Variants in KBTBD12 observed in about 807,000 individuals in gnomAD.
KBTBD12 encodes kelch repeat and BTB domain-containing protein 12.
KBTBD12 carries 53 observed loss-of-function variants against 58.7 expected under a neutral mutation model. The ratio of observed to expected loss-of-function variants is 0.90; its 90% confidence interval spans 0.72 to 1.14. KBTBD12 has a LOEUF of 1.14. KBTBD12 is among the 50% of genes most tolerant of loss of function. The pLI is 0.00. For missense variants in KBTBD12, 704 were observed against 751.3 expected (o/e 0.94, Z 0.74); for synonymous variants, 236 against 259.8 (o/e 0.91, Z 0.88).
chr3:127,941,087 T>A (rs1156780006), intron 4 of KBTBD12, among the ~76,000 whole-genome samples: 1 of 152,226 alleles, frequency 6.6e-6, no homozygotes, highest in African/African-American at 2.4e-5. Context: ...TAGTTCCAAA[T>A]GGTTTCACTC....
At chr3:127,980,566 G>C (rs1004542946) in intron 5 of KBTBD12, among the ~76,000 whole-genome samples, 2 of 152,182 alleles carry the variant, frequency 1.3e-5, no homozygotes, top group South Asian at 2.1e-4. Context: ...CTGACCTCAA[G>C]TGATCTGCCC....
At position 127,971,756 on chromosome 3, in the gene KBTBD12, C is replaced by CT. The variant is rs1940686343; in HGVS notation, c.1690+8371dup. ...GGGGGATTTCTTCCCAGAGTCCAGGCTAAGTCCCTTCTGCCTTCAGCCCAT... is the reference window on the plus strand; with the variant it reads ...GGGGGATTTCTTCCCAGAGTCCAGGCTTAAGTCCCTTCTGCCTTCAGCCCAT... On this transcript the variant is annotated intron_variant, in intron 5 of 5. Transcript: ENST00000405109. 2.0e-5 allele frequency among the ~76,000 whole-genome samples: 3 copies of CT among 152,188 alleles called. 1 individual carries two copies. The South Asian group carries it at 6.2e-4, about 32-fold the overall frequency.
intron 5 of KBTBD12, among the ~76,000 whole-genome samples, chr3:127,982,652 T>C (rs895420082): frequency 6.6e-6 from 1 of 152,216 alleles, no homozygotes; most frequent in Non-Finnish European, 1.5e-5. Context: ...CATAAAAAGA[T>C]AGAAAATGCA....
At position 127,922,969 on chromosome 3, in the gene KBTBD12, T is replaced by G; in HGVS notation, c.-93T>G. On this transcript the variant is annotated 5_prime_UTR_variant, in exon 2 of 6. Coordinates refer to ENST00000405109, the MANE Select transcript of KBTBD12 (RefSeq NM_207335.4). ...CCTTAGAAATGTTTCCTGACATCTT[T>G]GTAGCTTCATGAGTAATCAGACATG... 1 of 715,040 alleles carries G rather than the reference T, an allele frequency of 1.4e-6. No individual in the cohort carries two copies. The allele number at this position is 715,040 out of a possible 1,614,324, so 44.3% of individuals were successfully genotyped here.
Position 127,984,578 on chromosome 3 carries a change from C to T in KBTBD12, c.*300C>T, listed in dbSNP as rs1940933935. 1 of 253,342 alleles carries T rather than the reference C, an allele frequency of 3.9e-6. No homozygotes were observed. Among genetic ancestry groups the T allele is most frequent in the Non-Finnish European group, 7.6e-6 (1 of 131,414 alleles). The allele number at this position is 253,342 out of a possible 1,614,324, so 15.7% of individuals were successfully genotyped here. ...CACTCTGCTGGGGACCCATGAACAG[C>T]ACTGCCAAGGAGCAGACCTTTTATT... is the stretch of plus-strand genomic sequence containing the variant. On this transcript the variant is annotated 3_prime_UTR_variant, in exon 6 of 6. Transcript: ENST00000405109.
chr3:127,962,008 A>G lies in KBTBD12; in HGVS notation c.1493-1181A>G, dbSNP rs552496446. Reference sequence around the variant, plus strand: ...GCTGTCAACAACATACTCCAGTATCAGTCACCACCCAACATATGCAGTTTG... The same window carrying G: ...GCTGTCAACAACATACTCCAGTATCGGTCACCACCCAACATATGCAGTTTG... On this transcript the variant is annotated intron_variant, in intron 4 of 5. Transcript: ENST00000405109. Among the ~76,000 whole-genome samples, 5 of 152,362 alleles carry G rather than the reference A, an allele frequency of 3.3e-5. No individual in the cohort carries two copies. In the East Asian group the frequency reaches 9.7e-4, roughly 29 times the overall value.
chr3:127,983,972 G>T (rs764635950), intron 5 of KBTBD12, 125 bp from the exon 6 acceptor site: 263 of 728,404 alleles, frequency 3.6e-4, no homozygotes, highest in South Asian at 7.0e-4. Flanking sequence ...TGGGTATTCT[G>T]TTAACAGTAA....
chr3:127,924,841 C>T (rs549019195), intron 2 of KBTBD12, among the ~76,000 whole-genome samples: 1 of 152,058 alleles, frequency 6.6e-6, no homozygotes, highest in Non-Finnish European at 1.5e-5. Context: ...CTAGGTTTTG[C>T]TTATGAGAAC....
chr3:127,975,481 T>A (rs1162169043), intron 5 of KBTBD12, among the ~76,000 whole-genome samples: 1 of 152,182 alleles, frequency 6.6e-6, no homozygotes, highest in Non-Finnish European at 1.5e-5. Context: ...ACCAAGAAGA[T>A]ACACATGACA....
At chr3:127,950,566 G>A (rs1266180436) in intron 4 of KBTBD12, among the ~76,000 whole-genome samples, 1 of 152,112 alleles carries the variant, frequency 6.6e-6, no homozygotes, top group Non-Finnish European at 1.5e-5. Flanking sequence ...CTTTGTTGCA[G>A]CAAAGAATAC....
At chr3:127,924,426 A>G (rs1559760507) in intron 2 of KBTBD12, among the ~76,000 whole-genome samples, 1 of 149,988 alleles carries the variant, frequency 6.7e-6, no homozygotes. Context: ...TCATAATTAA[A>G]TCTCCCACAT....
rs1353913414 is a variant in KBTBD12, at chr3:127,984,272, G to GGT, written c.1866_1867insGT (p.His623ValfsTer68). 4.3e-6 allele frequency: 7 copies of GGT among 1,612,752 alleles called. No homozygotes were observed. Among genetic ancestry groups the GGT allele is most frequent in the Non-Finnish European group, 5.9e-6 (7 of 1,179,454 alleles). ...CAGATTTGGTGGAAGAAGGCAATGA[G>GGT]CACTAAGGTGACCTTGCTGGAGGAC... On this transcript the variant is annotated frameshift_variant, in exon 6 of 6. Coordinates refer to ENST00000405109, the MANE Select transcript of KBTBD12 (RefSeq NM_207335.4). LOFTEE classifies it high-confidence loss of function.
chr3:127,972,234 A>C (rs1240799122), intron 5 of KBTBD12, among the ~76,000 whole-genome samples: 1 of 152,220 alleles, frequency 6.6e-6, no homozygotes, highest in Non-Finnish European at 1.5e-5. Context: ...GAAGTCAAAC[A>C]GAGGGTAAAT....
chr3:127,958,642 A>G (rs192560479), intron 4 of KBTBD12, among the ~76,000 whole-genome samples: 2 of 152,198 alleles, frequency 1.3e-5, no homozygotes, highest in African/African-American at 4.8e-5. Context: ...TCCACTCGGA[A>G]GTTATCAGAT....
chr3:127,936,665 G>T (rs577850433), intron 4 of KBTBD12, among the ~76,000 whole-genome samples: 3 of 152,238 alleles, frequency 2.0e-5, no homozygotes, highest in African/African-American at 7.2e-5. Flanking sequence ...CTGGAAAATT[G>T]TAAGCTTTAG....
At chr3:127,934,522 A>C (rs1404001301) in intron 4 of KBTBD12, among the ~76,000 whole-genome samples, 1 of 152,132 alleles carries the variant, frequency 6.6e-6, no homozygotes, top group Non-Finnish European at 1.5e-5. Flanking sequence ...AATAGTCAAA[A>C]ATTTCTGAAA....
Position 127,924,143 on chromosome 3 carries a change from G to A in KBTBD12, c.1070+12G>A. The A allele has an allele frequency of 6.5e-7, 1 of 1,541,424 alleles. No homozygotes were observed. The highest frequency in any genetic ancestry group is 8.8e-7 in the Non-Finnish European group (1 of 1,129,972). ...GTTGAAATTTATAGGTTTGTATCTA[G>A]CAGCAAATTTGCTTAATTATTTTGT... is the stretch of plus-strand genomic sequence containing the variant. On this transcript the variant is annotated intron_variant, in intron 2 of 5. Transcript: ENST00000405109.
At chr3:127,935,811 C>A (rs1403181149) in intron 4 of KBTBD12, among the ~76,000 whole-genome samples, 1 of 151,996 alleles carries the variant, frequency 6.6e-6, no homozygotes, top group East Asian at 1.9e-4. Context: ...AAATTAAAAT[C>A]AAATATATGC....
At chr3:127,919,227 C>T (rs917844321) in intron 1 of KBTBD12, among the ~76,000 whole-genome samples, 2 of 151,382 alleles carry the variant, frequency 1.3e-5, no homozygotes, top group Non-Finnish European at 2.9e-5. Flanking sequence ...GAGACACGGT[C>T]TCGGAAATAG....
Sources: gnomAD v4.1 joint callset for allele counts (sites outside exome capture counted in the v4.1 genomes callset) on GRCh38, gnomAD v4.1.1 for gene constraint, MANE v1.5 for transcripts, NCBI Gene and HGNC (gene_info 2026-07-23, HGNC 2026-07-21) for gene names.